APPL2: variants seen among roughly 807,000 people sequenced by gnomAD.
APPL2 encodes DCC-interacting protein 13-beta.
APPL2 carries 84 observed loss-of-function variants against 92.7 expected under a neutral mutation model. The observed-to-expected ratio is 0.91, with a 90% CI of 0.76 to 1.09. The LOEUF (loss-of-function observed/expected upper bound fraction) is 1.09, where lower values mean the gene tolerates loss of function less well. Ranked by LOEUF, APPL2 falls within the 50% of genes least tolerant of loss-of-function variation. The pLI is 0.00. For synonymous variants in APPL2, 291 were observed against 291.0 expected (o/e 1.00, Z 0.00); for missense variants, 736 against 824.5 (o/e 0.89, Z 1.31).
rs745346449 is a variant in APPL2, at chr12:105,200,978, C to T, written c.705-1447G>A. 8.5e-5 allele frequency among the ~76,000 whole-genome samples: 13 copies of T among 152,054 alleles called. No homozygotes were observed. The East Asian group carries it at 1.5e-3, about 18-fold the overall frequency. On this transcript the variant is annotated intron_variant, in intron 9 of 20. Coordinates refer to ENST00000258530, the MANE Select transcript of APPL2 (RefSeq NM_018171.5). ...GGCTGGAGTGCAGTGGCATGATCTT[C>T]GCTCACTACAACCTCCGCCTCCTGG...
At chr12:105,220,012 G>A (rs1889976525) in intron 2 of APPL2, among the ~76,000 whole-genome samples, 1 of 152,180 alleles carries the variant, frequency 6.6e-6, no homozygotes, top group South Asian at 2.1e-4. Context: ...TAATTCCAAT[G>A]ACCCTGTAAA....
At position 105,222,119 on chromosome 12, in the gene APPL2, A is replaced by G. The variant is rs569072511; in HGVS notation, c.154-4394T>C. On this transcript the variant is annotated intron_variant, in intron 2 of 20. Coordinates refer to ENST00000258530, the MANE Select transcript of APPL2 (RefSeq NM_018171.5). Reference sequence around the variant, plus strand: ...AGGAGCCCCTCGAGACAGGATGCACACAGGGAGTAGTGAGGGGTGTGGCAA... The same window carrying G: ...AGGAGCCCCTCGAGACAGGATGCACGCAGGGAGTAGTGAGGGGTGTGGCAA... Among the ~76,000 whole-genome samples the G allele has an allele frequency of 5.3e-5, 8 of 152,312 alleles. No individual in the cohort carries two copies. In the Middle Eastern group the frequency reaches 0.01, roughly 194 times the overall value.
chr12:105,221,953 G>A (rs1220810897), intron 2 of APPL2, among the ~76,000 whole-genome samples: 2 of 152,234 alleles, frequency 1.3e-5, no homozygotes, highest in Non-Finnish European at 2.9e-5. Context: ...CATCCACGGT[G>A]AATATGAATG....
At chr12:105,189,867 T>C in intron 15 of APPL2, 43 bp from the exon 16 acceptor site, 1 of 1,611,546 alleles carries the variant, frequency 6.2e-7, no homozygotes, top group Non-Finnish European at 8.5e-7. Flanking sequence ...CAGCTGCAGC[T>C]AGAAGGGCAC....
At chr12:105,234,835 A>G (rs1891135962) in intron 1 of APPL2, among the ~76,000 whole-genome samples, 1 of 152,160 alleles carries the variant, frequency 6.6e-6, no homozygotes, top group Non-Finnish European at 1.5e-5. Flanking sequence ...CAAACTTACC[A>G]AAAAACAAAA....
chr12:105,175,558 A>AT (rs1885454340), intron 20 of APPL2, among the ~76,000 whole-genome samples: 1 of 152,220 alleles, frequency 6.6e-6, no homozygotes, highest in Non-Finnish European at 1.5e-5. Context: ...CAGGGACTAT[A>AT]TCTGTCTTGT....
chr12:105,186,683 T>TTATATCATATATGATATATC (rs1886726147), intron 17 of APPL2, among the ~76,000 whole-genome samples: 5 of 39,166 alleles, frequency 1.3e-4, no homozygotes, highest in South Asian at 1.2e-3. Flanking sequence ...TGATATATCA[T>TTATATCATATATGATATATC]ATATATATCA....
intron 9 of APPL2, among the ~76,000 whole-genome samples, chr12:105,200,732 CAG>C (rs767927361): frequency 2.1e-4 from 32 of 152,322 alleles, no homozygotes; most frequent in Non-Finnish European, 2.5e-4. Flanking sequence ...CAGAAGCAAA[CAG>C]GGGGCCAGTG....
intron 14 of APPL2, among the ~76,000 whole-genome samples, chr12:105,193,880 C>T (rs1887430130): frequency 6.6e-6 from 1 of 152,188 alleles, no homozygotes; most frequent in Non-Finnish European, 1.5e-5. Flanking sequence ...CTGGTTCTGA[C>T]CATCGCCCAT....
intron 2 of APPL2, among the ~76,000 whole-genome samples, chr12:105,227,140 A>AT (rs1304093934): frequency 6.6e-6 from 1 of 151,180 alleles, no homozygotes; most frequent in African/African-American, 2.4e-5. Context: ...AAAATAAAAA[A>AT]AAAAGACTCT....
chr12:105,220,868 C>A (rs144067034), intron 2 of APPL2, among the ~76,000 whole-genome samples: 1 of 152,244 alleles, frequency 6.6e-6, no homozygotes, highest in African/African-American at 2.4e-5. Flanking sequence ...CCTTCCAAAA[C>A]GACTTCGAAC....
At chr12:105,206,532 A>T (rs2136003107) in intron 8 of APPL2, among the ~76,000 whole-genome samples, 1 of 152,344 alleles carries the variant, frequency 6.6e-6, no homozygotes, top group South Asian at 2.1e-4. Context: ...ACAAATATTC[A>T]GCCAACCATT....
intron 2 of APPL2, among the ~76,000 whole-genome samples, chr12:105,220,901 C>G (rs1170378809): frequency 2.0e-5 from 3 of 152,252 alleles, no homozygotes; most frequent in African/African-American, 7.2e-5. Flanking sequence ...TGGGTCTCTC[C>G]TAGGAATACC....
At chr12:105,230,916 G>T (rs186796215) in intron 1 of APPL2, among the ~76,000 whole-genome samples, 1 of 152,256 alleles carries the variant, frequency 6.6e-6, no homozygotes, top group East Asian at 1.9e-4. Context: ...AAACAACACA[G>T]AATTTGTACA....
At chr12:105,174,542 T>C (rs1885298503) in intron 20 of APPL2, 94 bp from the exon 21 acceptor site, 6 of 1,364,520 alleles carry the variant, frequency 4.4e-6, no homozygotes, top group Non-Finnish European at 5.9e-6. Flanking sequence ...TGTAATCTAG[T>C]CTTGTTTCTC....
chr12:105,214,049 G>T (rs966332791), intron 4 of APPL2, among the ~76,000 whole-genome samples: 1 of 152,178 alleles, frequency 6.6e-6, no homozygotes, highest in Non-Finnish European at 1.5e-5. Flanking sequence ...GCCGGGCGTG[G>T]TGGTGCATGC....
chr12:105,212,988 A>T (rs1441550076), intron 4 of APPL2, among the ~76,000 whole-genome samples: 1 of 152,232 alleles, frequency 6.6e-6, no homozygotes, highest in Non-Finnish European at 1.5e-5. Context: ...ATGCCTTCAG[A>T]ACAGAATGTG....
chr12:105,219,376 A>T (rs1037398895), intron 2 of APPL2, among the ~76,000 whole-genome samples: 5 of 152,304 alleles, frequency 3.3e-5, no homozygotes, highest in African/African-American at 9.6e-5. Flanking sequence ...ATACAACAAA[A>T]GTGCCTGGCT....
chr12:105,214,727 GGAGT>G (rs1172852318), intron 4 of APPL2, among the ~76,000 whole-genome samples: 3 of 151,226 alleles, frequency 2.0e-5, no homozygotes, highest in Non-Finnish European at 4.4e-5. Context: ...CTGGATGATG[GGAGT>G]GTCTTTTGTT....
Sources: gnomAD v4.1 joint callset for allele counts (sites outside exome capture counted in the v4.1 genomes callset) on GRCh38, gnomAD v4.1.1 for gene constraint, MANE v1.5 for transcripts, NCBI Gene and HGNC (gene_info 2026-07-23, HGNC 2026-07-21) for gene names.